LINGO2: variants seen among roughly 807,000 people sequenced by gnomAD.
The protein encoded by LINGO2 is leucine rich repeat and Ig domain containing 2, also known as leucine-rich repeat and immunoglobulin-like domain-containing nogo receptor-interacting protein 2.
Under a neutral mutation model 30.6 loss-of-function variants are expected in LINGO2, and 14 were observed. The observed-to-expected ratio is 0.46, with a 90% CI of 0.30 to 0.72. The LOEUF (loss-of-function observed/expected upper bound fraction) is 0.72, where lower values mean the gene tolerates loss of function less well. Ranked by LOEUF, LINGO2 falls within the 30% of genes least tolerant of loss-of-function variation. LINGO2 has a pLI of 0.07. For synonymous variants in LINGO2, 317 were observed against 288.5 expected, an observed-to-expected ratio of 1.10 and a Z score of -1.00; for missense variants, 729 against 751.7, an observed-to-expected ratio of 0.97 and a Z score of 0.35.
the LINGO2 span, among the ~76,000 whole-genome samples, chr9:29,169,350 A>G: frequency 6.6e-6 from 1 of 152,324 alleles, no homozygotes; most frequent in South Asian, 2.1e-4. Context: ...AGTATGCAGT[A>G]ATCAAAGGTG....
intron 1 of LINGO2, among the ~76,000 whole-genome samples, chr9:28,517,012 G>A (rs28472295): frequency 0.26 from 39,896 of 152,030 alleles, 5,418 homozygotes; most frequent in South Asian, 0.3. Context: ...ATACAACTTG[G>A]TTTTCAAGGT....
rs572797193 is a variant in LINGO2 at position 28,209,787 on chromosome 9, T to A, written c.-87+85421A>T. ...GGATGCAGTAATACCATGGCAAGGT[T>A]AATCAGATAATGGACATATTTCAGT... is the stretch of plus-strand genomic sequence containing the variant. On this transcript the variant is annotated intron_variant, in intron 4 of 5. Transcript: ENST00000379992. Among the ~76,000 whole-genome samples, 4 of 151,914 alleles carry A rather than the reference T, an allele frequency of 2.6e-5. No homozygotes were observed. In the South Asian group the frequency reaches 8.3e-4, roughly 32 times the overall value.
intron 4 of LINGO2, among the ~76,000 whole-genome samples, chr9:28,294,736 A>C (rs1823862504): frequency 6.6e-6 from 1 of 152,216 alleles, no homozygotes; most frequent in Non-Finnish European, 1.5e-5. Context: ...AATGATAAAT[A>C]CTTTCAAAGA....
intron 2 of LINGO2, among the ~76,000 whole-genome samples, chr9:28,433,950 T>TCTCTATATAA: frequency 2.5e-5 from 1 of 39,866 alleles, no homozygotes; most frequent in South Asian, 5.0e-4. Context: ...TCTCTCTCTC[T>TCTCTATATAA]ATATATATAT....
chr9:29,045,501 A>T, the LINGO2 span, among the ~76,000 whole-genome samples: 1 of 152,096 alleles, frequency 6.6e-6, no homozygotes, highest in African/African-American at 2.4e-5. Context: ...CAATACAAAG[A>T]GACATAAAAG....
At chr9:28,381,462 A>G (rs1821353870) in intron 2 of LINGO2, among the ~76,000 whole-genome samples, 1 of 152,126 alleles carries the variant, frequency 6.6e-6, no homozygotes, top group Non-Finnish European at 1.5e-5. Context: ...CATGGAATAC[A>G]GGACATAATT....
intron 1 of LINGO2, among the ~76,000 whole-genome samples, chr9:28,646,790 A>G (rs1304650359): frequency 6.6e-6 from 1 of 152,142 alleles, no homozygotes; most frequent in Non-Finnish European, 1.5e-5. Context: ...AGTTTGGTAC[A>G]TAGCTTGGTA....
At chr9:28,776,830 C>CTTT in the LINGO2 span, among the ~76,000 whole-genome samples, 1 of 144,698 alleles carries the variant, frequency 6.9e-6, no homozygotes. Flanking sequence ...ACAGCTGCCT[C>CTTT]TTTTTTTTTT....
intron 1 of LINGO2, among the ~76,000 whole-genome samples, chr9:28,647,911 T>A (rs1434887138): frequency 1.4e-5 from 2 of 144,992 alleles, no homozygotes; most frequent in Non-Finnish European, 3.0e-5. Context: ...TTTTTTTTTT[T>A]ACTCCTTACA....
the LINGO2 span, among the ~76,000 whole-genome samples, chr9:28,776,292 G>T: frequency 1.3e-5 from 2 of 152,114 alleles, no homozygotes; most frequent in East Asian, 3.9e-4. Context: ...TTTTCTTTCT[G>T]CCTTCTTATA....
chr9:28,837,649 AATATATATATACATATAT>A, the LINGO2 span, among the ~76,000 whole-genome samples: 23 of 75,838 alleles, frequency 3.0e-4, 3 homozygotes, highest in Admixed American at 6.6e-4. Context: ...CTCCGTCTAA[AATATATATATACATATAT>A]ATATATATAT....
intron 1 of LINGO2, among the ~76,000 whole-genome samples, chr9:28,629,670 T>G (rs1826844296): frequency 6.6e-6 from 1 of 152,040 alleles, no homozygotes; most frequent in South Asian, 2.1e-4. Flanking sequence ...ATGTATAAAA[T>G]ATAGACTGCA....
the LINGO2 span, among the ~76,000 whole-genome samples, chr9:29,209,479 G>A: frequency 6.6e-6 from 1 of 151,708 alleles, no homozygotes; most frequent in African/African-American, 2.4e-5. Context: ...TAATTCTGAA[G>A]GAAATATTTT....
At chr9:28,370,632 A>C (rs76068022) in intron 3 of LINGO2, among the ~76,000 whole-genome samples, 2,250 of 152,320 alleles carry the variant, frequency 0.015, 41 homozygotes, top group African/African-American at 0.052. Context: ...GTTTTTGAGA[A>C]ATGCTTAAAA....
chr9:28,188,808 G>C (rs1212265930), intron 4 of LINGO2, among the ~76,000 whole-genome samples: 1 of 152,008 alleles, frequency 6.6e-6, no homozygotes, highest in Non-Finnish European at 1.5e-5. Flanking sequence ...AGGTCTTATA[G>C]GCTGCTGTGA....
At chr9:27,967,948 C>A (rs768184464) in intron 5 of LINGO2, among the ~76,000 whole-genome samples, 4 of 152,116 alleles carry the variant, frequency 2.6e-5, no homozygotes, top group African/African-American at 9.7e-5. Flanking sequence ...ATTCCAAAAA[C>A]TGTAATAACA....
the LINGO2 span, among the ~76,000 whole-genome samples, chr9:28,938,293 G>T: frequency 6.6e-6 from 1 of 152,224 alleles, no homozygotes; most frequent in African/African-American, 2.4e-5. Context: ...CACATTCTTG[G>T]TGTTCTCTAT....
chr9:28,502,750 T>C (rs1338730161), intron 1 of LINGO2, among the ~76,000 whole-genome samples: 1 of 152,146 alleles, frequency 6.6e-6, no homozygotes, highest in Admixed American at 6.6e-5. Context: ...CTTCATTTTA[T>C]ACAGTGCAAC....
At chr9:28,105,757 T>C (rs1158444162) in intron 4 of LINGO2, among the ~76,000 whole-genome samples, 1 of 151,924 alleles carries the variant, frequency 6.6e-6, no homozygotes, top group Non-Finnish European at 1.5e-5. Flanking sequence ...CCCACACACA[T>C]GCACTGAAGA....
Sources: gnomAD v4.1 joint callset for allele counts (sites outside exome capture counted in the v4.1 genomes callset) on GRCh38, gnomAD v4.1.1 for gene constraint, MANE v1.5 for transcripts, NCBI Gene and HGNC (gene_info 2026-07-23, HGNC 2026-07-21) for gene names.